SLC23A2: variants seen among roughly 807,000 people sequenced by gnomAD.
SLC23A2 encodes solute carrier family 23 member 2.
Under a neutral mutation model 73.3 loss-of-function variants are expected in SLC23A2, and 36 were observed. The observed-to-expected ratio is 0.49, with a 90% CI of 0.38 to 0.65. The LOEUF (loss-of-function observed/expected upper bound fraction) is 0.65. Among genes scored for constraint, SLC23A2 ranks in the 30% least tolerant of loss-of-function variants. The pLI is 0.00. For synonymous variants in SLC23A2, 343 were observed against 327.3 expected (o/e 1.05, Z -0.52); for missense variants, 507 against 841.6 (o/e 0.60, Z 4.92).
chr20:4,884,672 A>G, intron 8 of SLC23A2, 81 bp downstream of exon 8: 1 of 873,230 alleles, frequency 1.1e-6, no homozygotes. Flanking sequence ...AGTAAAAGTA[A>G]CTGCTATTTC....
At chr20:4,907,794 A>C (rs572091341) in intron 4 of SLC23A2, among the ~76,000 whole-genome samples, 12 of 152,156 alleles carry the variant, frequency 7.9e-5, no homozygotes, top group Non-Finnish European at 1.8e-4. Context: ...TTAGAAGGAT[A>C]CTACAGTATT....
At chr20:4,893,984 T>C (rs1931428288) in intron 6 of SLC23A2, among the ~76,000 whole-genome samples, 1 of 152,016 alleles carries the variant, frequency 6.6e-6, no homozygotes, top group Admixed American at 6.5e-5. Flanking sequence ...GGGTGGGAAC[T>C]CTGGGAAGCT....
At chr20:4,959,465 G>A (rs2087345364) in intron 2 of SLC23A2, among the ~76,000 whole-genome samples, 1 of 152,216 alleles carries the variant, frequency 6.6e-6, no homozygotes, top group Non-Finnish European at 1.5e-5. Context: ...ACAAGAACAT[G>A]TACATAAATG....
At chr20:4,920,098 TA>T in intron 3 of SLC23A2, among the ~76,000 whole-genome samples, 1 of 152,056 alleles carries the variant, frequency 6.6e-6, no homozygotes, top group Non-Finnish European at 1.5e-5. Context: ...CCATCTCCAC[TA>T]AAAATACAAA....
rs1931653129 is a variant in SLC23A2, at chr20:4,899,137, G to A, written c.482+418C>T. On this transcript the variant is annotated intron_variant, in intron 6 of 16. Coordinates refer to ENST00000338244, the MANE Select transcript of SLC23A2 (RefSeq NM_005116.6). The surrounding 1 kb of genome is among the most constrained non-coding windows in gnomAD (Gnocchi z 4.9). ...TGCAGTGTGGCTCACCCTGAGGAGG[G>A]TGTGGAAGTAGAAAGATGGCACTGG... 6.6e-6 allele frequency among the ~76,000 whole-genome samples: 1 copy of A among 152,334 alleles called. No homozygotes were observed. Among genetic ancestry groups the A allele is most frequent in the South Asian group, 2.1e-4 (1 of 4,828 alleles).
chr20:5,009,490 T>G (rs2088225744), intron 1 of SLC23A2, among the ~76,000 whole-genome samples: 4 of 152,204 alleles, frequency 2.6e-5, no homozygotes, highest in Admixed American at 2.6e-4. Context: ...ATAAGTTGTT[T>G]TTCTGTTTCT....
At chr20:4,987,563 A>G (rs2087850620) in intron 1 of SLC23A2, among the ~76,000 whole-genome samples, 1 of 152,086 alleles carries the variant, frequency 6.6e-6, no homozygotes, top group Non-Finnish European at 1.5e-5. Context: ...AAAAAACACT[A>G]TGTGGCCGGG....
intron 9 of SLC23A2, among the ~76,000 whole-genome samples, chr20:4,878,346 C>A (rs1930739092): frequency 6.6e-6 from 1 of 151,814 alleles, no homozygotes; most frequent in Non-Finnish European, 1.5e-5. Context: ...GCCACTACAC[C>A]CAGCTAATTT....
intron 2 of SLC23A2, among the ~76,000 whole-genome samples, chr20:4,958,984 G>A (rs993660613): frequency 6.6e-6 from 1 of 151,954 alleles, no homozygotes; most frequent in African/African-American, 2.4e-5. Flanking sequence ...GCCGAGGTGG[G>A]CAGATCACCT....
intron 3 of SLC23A2, among the ~76,000 whole-genome samples, chr20:4,919,983 G>A (rs74711032): frequency 0.02 from 3,074 of 152,276 alleles, 99 homozygotes; most frequent in African/African-American, 0.069. Context: ...ATGAGAGGCC[G>A]GGTGCGGTGG....
chr20:4,975,764 C>T (rs1236006426), intron 1 of SLC23A2, among the ~76,000 whole-genome samples: 1 of 151,022 alleles, frequency 6.6e-6, no homozygotes, highest in Non-Finnish European at 1.5e-5. Context: ...ATCCATGTGT[C>T]TACAGTTCTT....
intron 9 of SLC23A2, among the ~76,000 whole-genome samples, chr20:4,875,511 C>T (rs1052088811): frequency 2.0e-5 from 3 of 152,140 alleles, no homozygotes; most frequent in Admixed American, 1.3e-4. Flanking sequence ...TTTCCTTTTG[C>T]CACCCTGGTC....
At chr20:4,962,527 C>T (rs919709255) in intron 2 of SLC23A2, among the ~76,000 whole-genome samples, 3 of 152,158 alleles carry the variant, frequency 2.0e-5, no homozygotes, top group South Asian at 4.1e-4. Context: ...GTCTGGGAGA[C>T]GACTGGGCCT....
At chr20:4,970,499 G>A (rs998610088) in intron 2 of SLC23A2, among the ~76,000 whole-genome samples, 2 of 152,126 alleles carry the variant, frequency 1.3e-5, no homozygotes, top group African/African-American at 4.8e-5. Flanking sequence ...TTGGGAGGTA[G>A]AGGCAGGAGG....
chr20:4,943,073 T>C (rs748706775), intron 2 of SLC23A2, among the ~76,000 whole-genome samples: 10 of 137,576 alleles, frequency 7.3e-5, no homozygotes, highest in Non-Finnish European at 1.4e-4. Context: ...ATAAAATTCA[T>C]CTTTATATTC....
intron 6 of SLC23A2, among the ~76,000 whole-genome samples, chr20:4,896,852 C>T (rs2122860184): frequency 6.6e-6 from 1 of 152,354 alleles, no homozygotes; most frequent in African/African-American, 2.4e-5. Flanking sequence ...TGATAAGTCC[C>T]AAGCTCTGGC....
intron 2 of SLC23A2, among the ~76,000 whole-genome samples, chr20:4,949,592 T>C (rs2087168101): frequency 6.6e-6 from 1 of 152,070 alleles, no homozygotes; most frequent in South Asian, 2.1e-4. Context: ...GATTTTCTAG[T>C]AATGCAGCTG....
At position 4,872,688 on chromosome 20, in the gene SLC23A2, G is replaced by A. The variant is rs912211414; in HGVS notation, c.1102+1248C>T. 6.6e-6 allele frequency among the ~76,000 whole-genome samples: 1 copy of A among 152,084 alleles called. No homozygotes were observed. The highest frequency in any genetic ancestry group is 1.5e-5 in the Non-Finnish European group (1 of 68,024). On this transcript the variant is annotated intron_variant, in intron 11 of 16. Transcript: ENST00000338244. This position sits in a 1 kb window ranked among gnomAD's most constrained non-coding sequence, Gnocchi z 4.4. ...TTATGAACCATGCACATTCTTTCTT[G>A]GAAAAAGAATAGGTCTGTATAAATG...
intron 1 of SLC23A2, among the ~76,000 whole-genome samples, chr20:4,988,320 G>A (rs550139655): frequency 6.6e-6 from 1 of 151,652 alleles, no homozygotes; most frequent in Non-Finnish European, 1.5e-5. Flanking sequence ...AAAAGTAGCT[G>A]ACCGTGTGTG....
Sources: allele counts gnomAD v4.1 joint callset (sites outside exome capture counted in the v4.1 genomes callset), GRCh38; gene constraint gnomAD v4.1.1; non-coding constraint Gnocchi (gnomAD v3.1); transcripts MANE v1.5; gene names NCBI Gene and HGNC (gene_info 2026-07-23, HGNC 2026-07-21).